CDK6: variants seen among roughly 807,000 people sequenced by gnomAD.
The protein encoded by CDK6 is cyclin dependent kinase 6.
CDK6 carries 6 observed loss-of-function variants against 37.1 expected under a neutral mutation model. The observed-to-expected ratio is 0.16, with a 90% confidence interval of 0.09 to 0.32. CDK6 has a LOEUF of 0.32. Among genes scored for constraint, CDK6 ranks in the 10% least tolerant of loss-of-function variants. The pLI is 1.00. For missense variants in CDK6, 224 were observed against 418.9 expected, an observed-to-expected ratio of 0.53 and a Z score of 4.06; for synonymous variants, 160 against 161.3, an observed-to-expected ratio of 0.99 and a Z score of 0.06.
At chr7:92,798,585 A>G (rs1206360791) in intron 2 of CDK6, among the ~76,000 whole-genome samples, 1 of 152,206 alleles carries the variant, frequency 6.6e-6, no homozygotes, top group African/African-American at 2.4e-5. Context: ...ACAATTTTTT[A>G]ATGTCTACAT....
chr7:92,820,619 A>G (rs1801148745), intron 2 of CDK6, among the ~76,000 whole-genome samples: 1 of 152,150 alleles, frequency 6.6e-6, no homozygotes, highest in Non-Finnish European at 1.5e-5. Flanking sequence ...AGTATGAAAA[A>G]TTGAAGTTTA....
chr7:92,826,731 G>A (rs748853619), intron 2 of CDK6, among the ~76,000 whole-genome samples: 5 of 152,098 alleles, frequency 3.3e-5, no homozygotes, highest in Non-Finnish European at 7.4e-5. Flanking sequence ...CTTCACATGT[G>A]TATGCCTTAC....
chr7:92,653,504 C>T (rs915691541), intron 5 of CDK6, among the ~76,000 whole-genome samples: 4 of 152,222 alleles, frequency 2.6e-5, no homozygotes, highest in African/African-American at 9.6e-5. Context: ...AATGGAGCTG[C>T]AGCTTCTGGA....
At chr7:92,780,961 C>T (rs569655588) in intron 2 of CDK6, among the ~76,000 whole-genome samples, 1 of 152,130 alleles carries the variant, frequency 6.6e-6, no homozygotes, top group Admixed American at 6.5e-5. Flanking sequence ...AATTACATGA[C>T]AGCAGTTCCA....
chr7:92,828,519 T>C lies in CDK6; in HGVS notation c.233+4572A>G, dbSNP rs966494015. Among the ~76,000 whole-genome samples the C allele has an allele frequency of 5.9e-5, 9 of 152,344 alleles. 1 individual carries two copies. The highest frequency in any genetic ancestry group is 2.4e-5 in the African/African-American group (1 of 41,586). On this transcript the variant is annotated intron_variant, in intron 2 of 7. Coordinates refer to ENST00000424848, the MANE Select transcript of CDK6 (RefSeq NM_001145306.2). ...CATGGTTTTACAATGATAGGCTGCATGTATGCTGTGTTTCCTTCTTAAAAA... is the reference window on the plus strand; with the variant it reads ...CATGGTTTTACAATGATAGGCTGCACGTATGCTGTGTTTCCTTCTTAAAAA...
chr7:92,678,871 C>A (rs1797268489), intron 4 of CDK6, among the ~76,000 whole-genome samples: 1 of 152,184 alleles, frequency 6.6e-6, no homozygotes, highest in Admixed American at 6.5e-5. Context: ...AGGTCAGGAT[C>A]CTCAACTCTT....
At chr7:92,808,245 G>A (rs937022155) in intron 2 of CDK6, among the ~76,000 whole-genome samples, 2 of 152,220 alleles carry the variant, frequency 1.3e-5, no homozygotes, top group South Asian at 4.1e-4. Flanking sequence ...GCCAGTTACT[G>A]TGTTGCTGCG....
Position 92,769,101 on chromosome 7 carries a change from G to C in CDK6, c.369+5595C>G, listed in dbSNP as rs549984934. 3.2e-4 allele frequency among the ~76,000 whole-genome samples: 48 copies of C among 152,112 alleles called. 1 individual carries two copies. The South Asian group carries it at 7.1e-3, about 22-fold the overall frequency. ...TTCATGAAAACAGACATTTCCCAGA[G>C]GCAAAAAACAGGTGCTATTAACAGT... On this transcript the variant is annotated intron_variant, in intron 3 of 7. Transcript: ENST00000424848.
chr7:92,690,466 C>A (rs1797576266), intron 4 of CDK6, among the ~76,000 whole-genome samples: 1 of 152,116 alleles, frequency 6.6e-6, no homozygotes, highest in South Asian at 2.1e-4. Context: ...CTATTCTGTT[C>A]CATTGGTCTA....
At chr7:92,810,314 C>T (rs768503069) in intron 2 of CDK6, among the ~76,000 whole-genome samples, 9 of 152,150 alleles carry the variant, frequency 5.9e-5, no homozygotes, top group Non-Finnish European at 1.3e-4. Context: ...TCCAAATGAC[C>T]TTTGCATGAC....
At chr7:92,672,176 C>CAGACACAG (rs1797093068) in intron 4 of CDK6, among the ~76,000 whole-genome samples, 1 of 104,056 alleles carries the variant, frequency 9.6e-6, no homozygotes, top group Admixed American at 1.1e-4. Flanking sequence ...TACACACACA[C>CAGACACAG]ACACACAGAC....
chr7:92,679,059 T>C (rs1408275417), intron 4 of CDK6, among the ~76,000 whole-genome samples: 4 of 152,310 alleles, frequency 2.6e-5, no homozygotes, highest in African/African-American at 4.8e-5. Flanking sequence ...ACTCAGGTCA[T>C]AGCACCATCC....
intron 2 of CDK6, among the ~76,000 whole-genome samples, chr7:92,806,691 G>A (rs1278458116): frequency 6.6e-6 from 1 of 152,068 alleles, no homozygotes; most frequent in Non-Finnish European, 1.5e-5. Context: ...AAAACCAATA[G>A]AAATTTTGCA....
intron 3 of CDK6, among the ~76,000 whole-genome samples, chr7:92,746,333 C>T (rs1799057528): frequency 6.6e-6 from 1 of 152,122 alleles, no homozygotes; most frequent in Non-Finnish European, 1.5e-5. Context: ...AGATTACCTC[C>T]AAAATGCTTT....
chr7:92,751,134 A>G lies in CDK6; in HGVS notation c.369+23562T>C, dbSNP rs538705490. Among the ~76,000 whole-genome samples the G allele has an allele frequency of 1.1e-3, 169 of 152,300 alleles. 1 individual carries two copies. Among genetic ancestry groups the G allele is most frequent in the African/African-American group, 3.8e-3 (160 of 41,564 alleles). On this transcript the variant is annotated intron_variant, in intron 3 of 7. Transcript: ENST00000424848. The stretch of plus-strand genomic sequence containing the variant: ...GCTTTCTGAATTGCCAAGAGGAACA[A>G]CGTCATATAAAAATTCCTTCGAAAT...
intron 4 of CDK6, among the ~76,000 whole-genome samples, chr7:92,676,908 G>A (rs1033962616): frequency 1.3e-5 from 2 of 149,880 alleles, no homozygotes; most frequent in South Asian, 4.2e-4. Context: ...GCAGTGAGCT[G>A]AGATCGCGCC....
chr7:92,628,623 T>A (rs980972118), intron 5 of CDK6, among the ~76,000 whole-genome samples: 2 of 152,120 alleles, frequency 1.3e-5, no homozygotes, highest in Non-Finnish European at 2.9e-5. Flanking sequence ...CCTTGGTTCA[T>A]CTCTGGGTAA....
At chr7:92,799,101 C>T (rs1800496835) in intron 2 of CDK6, among the ~76,000 whole-genome samples, 1 of 152,190 alleles carries the variant, frequency 6.6e-6, no homozygotes, top group African/African-American at 2.4e-5. Context: ...GTGCCTATCT[C>T]TATCAGATTG....
At chr7:92,702,300 T>C (rs57463984) in intron 4 of CDK6, among the ~76,000 whole-genome samples, 165 of 138,366 alleles carry the variant, frequency 1.2e-3, no homozygotes, top group African/African-American at 4.2e-3. Flanking sequence ...TGGCATGATC[T>C]CGGCTCACTT....
Sources: gnomAD v4.1 joint callset for allele counts (sites outside exome capture counted in the v4.1 genomes callset) on GRCh38, gnomAD v4.1.1 for gene constraint, MANE v1.5 for transcripts, NCBI Gene and HGNC (gene_info 2026-07-23, HGNC 2026-07-21) for gene names.